Variants in MYOF observed in about 807,000 individuals in gnomAD.
The protein encoded by MYOF is myoferlin.
Under a neutral mutation model 284.2 loss-of-function variants are expected in MYOF, and 244 were observed. The ratio of observed to expected loss-of-function variants is 0.86; its 90% CI spans 0.77 to 0.95. The LOEUF is 0.95. Among genes scored for constraint, MYOF ranks in the 40% least tolerant of loss-of-function variants. The pLI, the probability that MYOF is intolerant of heterozygous loss-of-function variation, is 0.00. For synonymous variants in MYOF, 904 were observed against 919.7 expected (o/e 0.98, Z 0.31); for missense variants, 2,496 against 2,560.6 (o/e 0.97, Z 0.54).
chr10:93,443,698 T>C (rs959892850), intron 3 of MYOF, among the ~76,000 whole-genome samples: 3 of 152,218 alleles, frequency 2.0e-5, no homozygotes, highest in Admixed American at 1.3e-4. Context: ...CTCCCATCTC[T>C]TAGAGATCAC....
intron 48 of MYOF, among the ~76,000 whole-genome samples, chr10:93,320,616 G>A (rs1231378444): frequency 2.0e-5 from 3 of 151,896 alleles, no homozygotes; most frequent in Non-Finnish European, 4.4e-5. Flanking sequence ...AACTTTTAAC[G>A]TTTGAGAAGT....
chr10:93,401,110 A>G (rs1485921408), intron 12 of MYOF, among the ~76,000 whole-genome samples: 2 of 152,142 alleles, frequency 1.3e-5, no homozygotes, highest in Non-Finnish European at 2.9e-5. Context: ...AGGGGTTGGA[A>G]GTGCTGACTG....
chr10:93,316,916 C>T lies in MYOF; in HGVS notation c.5599-103G>A, dbSNP rs1842637798. On this transcript the variant is annotated intron_variant, in intron 49 of 53. Transcript: ENST00000359263. ...GGCCTTTCTCTCCTTTGCACCCCCA[C>T]CCTGACACTCCCTTGGGCCTAAATC... The T allele has an allele frequency of 1.2e-5, 10 of 816,580 alleles. No homozygotes were observed. The South Asian group carries it at 1.6e-4, about 13-fold the overall frequency. The allele number at this position is 816,580 out of a possible 1,614,324, so 50.6% of individuals were successfully genotyped here.
At chr10:93,390,396 T>A (rs952572501) in intron 17 of MYOF, among the ~76,000 whole-genome samples, 2 of 152,002 alleles carry the variant, frequency 1.3e-5, no homozygotes, top group African/African-American at 4.8e-5. Flanking sequence ...AAATGAAAAT[T>A]TAGAAAATTA....
chr10:93,408,487 A>ACGG (rs2134121318), intron 7 of MYOF, among the ~76,000 whole-genome samples: 2 of 151,972 alleles, frequency 1.3e-5, no homozygotes, highest in South Asian at 4.2e-4. Flanking sequence ...CAGTGAGCCG[A>ACGG]GATCACGCCA....
intron 25 of MYOF, 105 bp from the exon 26 acceptor site, chr10:93,366,660 G>A: frequency 1.0e-6 from 1 of 977,696 alleles, no homozygotes; most frequent in Non-Finnish European, 1.5e-6. Context: ...GACAACTACA[G>A]AAAGCAGAAA....
At chr10:93,390,800 C>T (rs533561995) in intron 17 of MYOF, among the ~76,000 whole-genome samples, 1 of 150,388 alleles carries the variant, frequency 6.6e-6, no homozygotes, top group South Asian at 2.1e-4. Flanking sequence ...CTGAATCACA[C>T]ACAAAAAAGA....
intron 7 of MYOF, among the ~76,000 whole-genome samples, chr10:93,404,740 G>A (rs1847475170): frequency 6.6e-6 from 1 of 151,800 alleles, no homozygotes; most frequent in South Asian, 2.1e-4. Flanking sequence ...CCTGGAGTGT[G>A]TTTTAAATTT....
At chr10:93,332,797 A>G (rs577554377) in intron 43 of MYOF, among the ~76,000 whole-genome samples, 1 of 152,204 alleles carries the variant, frequency 6.6e-6, no homozygotes, top group East Asian at 2.0e-4. Context: ...CAGTGAGCCG[A>G]GATCACGCCA....
chr10:93,431,163 G>T (rs570717918), intron 4 of MYOF, among the ~76,000 whole-genome samples: 73 of 151,782 alleles, frequency 4.8e-4, no homozygotes, highest in African/African-American at 1.7e-3. Context: ...CAAGTAGCTG[G>T]GATTACAGAC....
rs1843583664 is a variant in MYOF, at chr10:93,335,941, A to G, written c.4543T>C (p.Ser1515Pro). 1.2e-6 allele frequency: 2 copies of G among 1,614,094 alleles called. No homozygotes were observed. Among genetic ancestry groups the G allele is most frequent in the Admixed American group, 3.3e-5 (2 of 60,002 alleles). Residue 1515 changes from serine to proline, a missense_variant, in exon 41 of 54, where the codon TCT (serine) becomes CCT (proline). Coordinates refer to ENST00000359263, the MANE Select transcript of MYOF (RefSeq NM_013451.4). ...RGKSDENEDP[S>P]VVGEFKGSFR... is the part of the protein sequence containing the mutation. The stretch of plus-strand genomic sequence containing the variant: ...CTCACCTTAAACTCTCCAACCACAG[A>G]AGGATCTTCATTTTCATCCGACTTG...
chr10:93,325,768 T>G (rs1447051809), intron 46 of MYOF, 58 bp downstream of exon 46: 1 of 1,543,552 alleles, frequency 6.5e-7, no homozygotes, highest in African/African-American at 1.4e-5. Context: ...AAATGTCAAC[T>G]ACTGCCATTG....
At chr10:93,340,119 A>G in intron 39 of MYOF, 34 bp downstream of exon 39, 3 of 1,612,094 alleles carry the variant, frequency 1.9e-6, no homozygotes, top group Non-Finnish European at 1.7e-6. Context: ...AAATACATGA[A>G]TCTTAAATGT....
intron 23 of MYOF, among the ~76,000 whole-genome samples, chr10:93,374,177 C>A (rs1368866950): frequency 6.6e-6 from 1 of 152,212 alleles, no homozygotes; most frequent in Non-Finnish European, 1.5e-5. Flanking sequence ...CATGTCCCTG[C>A]AAAGGACATG....
chr10:93,449,041 A>G (rs575664651), intron 3 of MYOF, among the ~76,000 whole-genome samples: 7 of 152,250 alleles, frequency 4.6e-5, no homozygotes, highest in African/African-American at 1.7e-4. Context: ...TGAAGTTTTA[A>G]GCCCAGGATC....
chr10:93,405,755 T>C (rs1156689508), intron 7 of MYOF, among the ~76,000 whole-genome samples: 5 of 151,940 alleles, frequency 3.3e-5, no homozygotes, highest in Non-Finnish European at 7.4e-5. Flanking sequence ...TGATAACAAG[T>C]TTAATATTAC....
At chr10:93,361,579 CAAA>C (rs1845076174) in intron 27 of MYOF, 22 bp from the exon 28 acceptor site, 10 of 1,612,964 alleles carry the variant, frequency 6.2e-6, no homozygotes, top group Non-Finnish European at 7.6e-6. Flanking sequence ...AAAATAAAAA[CAAA>C]GAAGAGAGGT....
chr10:93,392,609 A>G (rs1399290986), intron 17 of MYOF, among the ~76,000 whole-genome samples: 2 of 152,218 alleles, frequency 1.3e-5, no homozygotes, highest in African/African-American at 4.8e-5. Context: ...CCATTTCTCT[A>G]CTTACTGAAC....
chr10:93,363,991 C>T lies in MYOF; in HGVS notation c.2838G>A (p.Trp946Ter), dbSNP rs761270542. 1 of 1,614,206 alleles carries T rather than the reference C, an allele frequency of 6.2e-7. No homozygotes were observed. The highest frequency in any genetic ancestry group is 8.5e-7 in the Non-Finnish European group (1 of 1,180,040). Residue 946 changes from tryptophan (W) to a stop codon, truncating the protein, a stop_gained, in exon 27 of 54, where the codon TGG (tryptophan) becomes TGA (stop). Coordinates refer to ENST00000359263, the MANE Select transcript of MYOF (RefSeq NM_013451.4). LOFTEE classifies it high-confidence loss of function. ...QNESRYPGGD[W>*]KPAEDTYTDA... ...CCGTGTAGGTGTCCTCGGCCGGCTT[C>T]CAGTCGCCCCCGGGGTAGCGGCTCT...
Sources: gnomAD v4.1 joint callset for allele counts (sites outside exome capture counted in the v4.1 genomes callset) on GRCh38, gnomAD v4.1.1 for gene constraint, MANE v1.5 for transcripts, NCBI Gene and HGNC (gene_info 2026-07-23, HGNC 2026-07-21) for gene names.